The following C9orf50 variants were observed in gnomAD, a reference collection of about 807,000 sequenced individuals.
C9orf50 encodes the protein uncharacterized protein C9orf50.
In C9orf50, 33 loss-of-function variants were observed where a neutral mutation model predicts 42.5. The observed-to-expected ratio is 0.78, with a 90% CI of 0.59 to 1.04. The LOEUF (loss-of-function observed/expected upper bound fraction) is 1.04. Among genes scored for constraint, C9orf50 ranks in the 50% least tolerant of loss-of-function variants. C9orf50 has a pLI of 0.00. For missense variants in C9orf50, 547 were observed against 594.3 expected (o/e 0.92, Z 0.83); for synonymous variants, 257 against 273.4 (o/e 0.94, Z 0.59).
chr9:129,618,865 TG>T (rs1365895082), intron 3 of C9orf50, among the ~76,000 whole-genome samples: 1 of 83,690 alleles, frequency 1.2e-5, no homozygotes, highest in Non-Finnish European at 2.5e-5. Context: ...GCTAATTTTT[TG>T]TGTTTTTTTT....
At chr9:129,612,249 G>T (rs1161735051) in exon 7 of C9orf50, 4 of 1,019,874 alleles carry the variant, frequency 3.9e-6, no homozygotes, top group Non-Finnish European at 5.9e-6. Flanking sequence ...CTACTGGCAG[G>T]TCCCAGCCAC....
intron 3 of C9orf50, among the ~76,000 whole-genome samples, chr9:129,616,307 C>A (rs536484208): frequency 6.6e-6 from 1 of 152,290 alleles, no homozygotes; most frequent in Admixed American, 6.5e-5. Context: ...GCTCCGCCTC[C>A]CGGGTTCACG....
chr9:129,615,505 AGCGGAGCGTTGTGTCCT>A lies in C9orf50; in HGVS notation c.842_858del (p.Gln281LeufsTer73). On this transcript the variant is annotated frameshift_variant, in exon 4 of 7. Coordinates refer to ENST00000372478, the Ensembl canonical transcript of C9orf50. LOFTEE classifies it high-confidence loss of function. ...TTACCTGAGCGTCTGCGCTCCCAGT[AGCGGAGCGTTGTGTCCT>A]GCAGGGTCTCGTCAGCGAATCGCAC... 6.2e-7 allele frequency: 1 copy of A among 1,604,206 alleles called. No homozygotes were observed. The highest frequency in any genetic ancestry group is 8.5e-7 in the Non-Finnish European group (1 of 1,175,996).
upstream of C9orf50, among the ~76,000 whole-genome samples, chr9:129,621,840 T>C (rs1830731857): frequency 6.6e-6 from 1 of 152,114 alleles, no homozygotes; most frequent in Admixed American, 6.5e-5. Context: ...CTGGTGGGCT[T>C]CTGGGTGGGG....
exon 2 of C9orf50, chr9:129,619,777 G>A (rs1227464775): frequency 6.2e-7 from 1 of 1,614,104 alleles, no homozygotes. Flanking sequence ...GGACACCGCG[G>A]AGACCCTGGG....
At chr9:129,619,628 G>A (rs1299063033) in exon 3 of C9orf50, 21 of 1,613,916 alleles carry the variant, frequency 1.3e-5, no homozygotes, top group Non-Finnish European at 1.6e-5. Context: ...GAGGTGCGAT[G>A]ACTGGCCCCT....
chr9:129,619,942 G>A, intron 1 of C9orf50, 112 bp from the exon 2 acceptor site: 1 of 1,492,298 alleles, frequency 6.7e-7, no homozygotes, highest in South Asian at 1.2e-5. Context: ...CGAGGGCTCT[G>A]AGATACTCAG....
chr9:129,620,534 G>A lies in C9orf50; in HGVS notation c.41C>T (p.Ala14Val). ...TCCGTCGCCAGGGAGCCCCTTGGGC[G>A]CCAGGTCCTGGGCCCCTGGGCGAAG... Residue 14 changes from alanine to valine, a missense_variant, in exon 1 of 7, where the codon GCG becomes GTG. Physicochemically the swap from Ala to Val is moderately conservative, Grantham distance 64 (BLOSUM62 0). Transcript: ENST00000372478. The surrounding 1 kb of genome is among the most constrained non-coding windows in gnomAD (Gnocchi z 5.8). The A allele has an allele frequency of 1.4e-6, 2 of 1,442,726 alleles. No individual in the cohort carries two copies. Among genetic ancestry groups the A allele is most frequent in the Non-Finnish European group, 9.1e-7 (1 of 1,095,286 alleles). 89.4% of individuals were successfully genotyped at this position (1,442,726 alleles called of 1,614,324 possible). A position where few individuals can be genotyped will look rare whatever the true frequency, so the allele number is the denominator to read the frequency against.
At chr9:129,618,944 A>G (rs1336778641) in intron 3 of C9orf50, among the ~76,000 whole-genome samples, 1 of 147,414 alleles carries the variant, frequency 6.8e-6, no homozygotes, top group East Asian at 2.0e-4. Flanking sequence ...TCAATCTCCT[A>G]ACCTCGTGAT....
chr9:129,621,034 TG>T (rs111575753), upstream of C9orf50, among the ~76,000 whole-genome samples: 816 of 152,330 alleles, frequency 5.4e-3, 11 homozygotes, highest in African/African-American at 0.019. Context: ...GTCTGCAGAA[TG>T]GGGATAATAG....
chr9:129,619,478 CCT>C, intron 3 of C9orf50, 40 bp downstream of exon 3: 1 of 1,393,258 alleles, frequency 7.2e-7, no homozygotes, highest in Non-Finnish European at 1.0e-6. Context: ...AAGAAATGCC[CCT>C]TTCCTCCACT....
At chr9:129,619,305 A>G (rs1830553062) in intron 3 of C9orf50, among the ~76,000 whole-genome samples, 1 of 152,098 alleles carries the variant, frequency 6.6e-6, no homozygotes, top group African/African-American at 2.4e-5. Context: ...TTGGTAGAAG[A>G]CCTCATTAAT....
At chr9:129,612,871 G>T (rs1830157606) in intron 6 of C9orf50, among the ~76,000 whole-genome samples, 1 of 152,178 alleles carries the variant, frequency 6.6e-6, no homozygotes, top group South Asian at 2.1e-4. Context: ...GGGAGATGCA[G>T]AAAGGAACTG....
chr9:129,612,772 G>A (rs1412534934), intron 6 of C9orf50, among the ~76,000 whole-genome samples: 2 of 152,156 alleles, frequency 1.3e-5, no homozygotes, highest in African/African-American at 4.8e-5. Flanking sequence ...AGAGGTTGCA[G>A]TGAGCCAAGA....
rs368047969 is a variant in C9orf50, at chr9:129,613,478, C to A, written c.1000G>T (p.Glu334Ter). 6.2e-7 allele frequency: 1 copy of A among 1,614,150 alleles called. No individual in the cohort carries two copies. Among genetic ancestry groups the A allele is most frequent in the Non-Finnish European group, 8.5e-7 (1 of 1,180,028 alleles). The change falls in exon 5 of 7, where the codon GAG becomes TAG. Residue 334 changes from glutamate to a stop codon, truncating the protein, a stop_gained. Coordinates refer to ENST00000372478, the Ensembl canonical transcript of C9orf50. LOFTEE classifies it high-confidence loss of function. The surrounding 1 kb of genome is among the most constrained non-coding windows in gnomAD (Gnocchi z 6.2). ...CACGAGGAGCTGGCCAGGGTCTCCT[C>A]CTTGGCCCCAGGGTACAGGGCTTTG...
At chr9:129,621,651 AG>A (rs1187760058), upstream of C9orf50, among the ~76,000 whole-genome samples, 2 of 152,198 alleles carry the variant, frequency 1.3e-5, no homozygotes, top group Non-Finnish European at 2.9e-5. Flanking sequence ...CACAGGCGTG[AG>A]TCCCCACTTC....
intron 6 of C9orf50, among the ~76,000 whole-genome samples, chr9:129,612,865 G>A (rs938904320): frequency 6.6e-6 from 1 of 152,164 alleles, no homozygotes; most frequent in African/African-American, 2.4e-5. Context: ...GGGGAGGGGA[G>A]ATGCAGAAAG....
upstream of C9orf50, among the ~76,000 whole-genome samples, chr9:129,621,228 C>CT (rs1375747922): frequency 6.6e-6 from 1 of 152,252 alleles, no homozygotes; most frequent in Non-Finnish European, 1.5e-5. Flanking sequence ...CCTCCCAGCC[C>CT]TGGTGCTGCC....
In C9orf50 at chr9:129,620,015, C is replaced by A; in HGVS notation, c.508+52G>T. 2 of 1,453,748 alleles carry A rather than the reference C, an allele frequency of 1.4e-6. No homozygotes were observed. Among genetic ancestry groups the A allele is most frequent in the African/African-American group, 1.4e-5 (1 of 70,196 alleles). 90.1% of individuals were successfully genotyped at this position (1,453,748 alleles called of 1,614,324 possible). On this transcript the variant is annotated intron_variant, in intron 1 of 6. Transcript: ENST00000372478. The surrounding 1 kb of genome is among the most constrained non-coding windows in gnomAD (Gnocchi z 5.8). ...GTGGGTGCGGGGACACAAGGGACCACCCCCCACCGGAAATGACTCGGGCCC... is the reference window on the plus strand; with the variant it reads ...GTGGGTGCGGGGACACAAGGGACCAACCCCCACCGGAAATGACTCGGGCCC...
Sources: allele counts gnomAD v4.1 joint callset (sites outside exome capture counted in the v4.1 genomes callset), GRCh38; gene constraint gnomAD v4.1.1; non-coding constraint Gnocchi (gnomAD v3.1); transcripts MANE v1.5; gene names NCBI Gene and HGNC (gene_info 2026-07-23, HGNC 2026-07-21).